NOXA1: variants seen among roughly 807,000 people sequenced by gnomAD.
NOXA1 encodes the protein NADPH oxidase activator 1, also known as NCF2-like protein.
Under a neutral mutation model 64.8 loss-of-function variants are expected in NOXA1, and 56 were observed. The observed-to-expected ratio is 0.86, with a 90% confidence interval of 0.70 to 1.08. NOXA1 has a LOEUF of 1.08. NOXA1 is among the 50% of genes least tolerant of loss of function. The probability of loss-of-function intolerance (pLI) is 0.00; values close to 1 mark genes in which losing one functional copy is unlikely to be tolerated. For missense variants in NOXA1, 668 were observed against 658.5 expected (o/e 1.01, Z -0.16); for synonymous variants, 295 against 294.8 (o/e 1.00, Z -0.01).
rs111581984 is a variant in NOXA1 at position 137,429,305 on chromosome 9, C to T, written c.534C>T (p.Val178=). The T allele has an allele frequency of 1.3e-6, 2 of 1,574,192 alleles. No individual in the cohort carries two copies. The highest frequency in any genetic ancestry group is 8.6e-7 in the Non-Finnish European group (1 of 1,160,780). The change falls in exon 5 of 14, where the codon GTC becomes GTT. Residue 178 remains valine (V), a synonymous_variant. Transcript: ENST00000683555. ...QRRGSLPPRQ[V]PRGEVFRPHR... is the part of the protein sequence containing the mutation. ...GGGGCTCACTGCCGCCACGGCAGGT[C>T]CCCAGGGGCGAGGTCTTCCGGCCCC...
chr9:137,433,364 A>C (rs1184883293), intron 10 of NOXA1, 89 bp from the exon 11 acceptor site: 1 of 1,496,200 alleles, frequency 6.7e-7, no homozygotes, highest in Admixed American at 2.2e-5. Context: ...TCACCTGCCC[A>C]GTCTCTGTCC....
At chr9:137,426,090 C>G (rs2131873331) in intron 1 of NOXA1, among the ~76,000 whole-genome samples, 158 bp from the exon 2 acceptor site, 1 of 152,278 alleles carries the variant, frequency 6.6e-6, no homozygotes, top group South Asian at 2.1e-4. Context: ...CCTGCCCAGG[C>G]AGGGGCTCCG....
chr9:137,432,290 A>AAAAAG (rs1839140411), intron 8 of NOXA1, among the ~76,000 whole-genome samples: 1 of 151,432 alleles, frequency 6.6e-6, no homozygotes, highest in East Asian at 1.9e-4. Context: ...AAAAAAAAAA[A>AAAAAG]AAAAAAAAGC....
At chr9:137,432,278 T>TTAAA (rs1410283327) in intron 8 of NOXA1, among the ~76,000 whole-genome samples, 2 of 110,302 alleles carry the variant, frequency 1.8e-5, no homozygotes, top group African/African-American at 7.9e-5. Flanking sequence ...AGACCCTGTC[T>TTAAA]CAAAAAAAAA....
chr9:137,427,247 G>A (rs897491822), intron 2 of NOXA1, among the ~76,000 whole-genome samples: 2 of 152,114 alleles, frequency 1.3e-5, no homozygotes, highest in Admixed American at 6.5e-5. Context: ...TGAGAACTAC[G>A]AGCAGATGAA....
chr9:137,434,159 G>A, intron 13 of NOXA1, 65 bp from the exon 14 acceptor site: 18 of 1,581,402 alleles, frequency 1.1e-5, no homozygotes, highest in Non-Finnish European at 1.5e-5. Context: ...TGTGCTGTGA[G>A]CAGACGTGGC....
intron 2 of NOXA1, 60 bp from the exon 3 acceptor site, chr9:137,427,973 C>A (rs2131878358): frequency 1.6e-6 from 2 of 1,216,306 alleles, no homozygotes; most frequent in Non-Finnish European, 2.3e-6. Context: ...GGTGTGAAAG[C>A]TGCCTAACCA....
At chr9:137,425,192 G>GT (rs1838802843) in intron 1 of NOXA1, among the ~76,000 whole-genome samples, 1 of 152,152 alleles carries the variant, frequency 6.6e-6, no homozygotes, top group Non-Finnish European at 1.5e-5. Flanking sequence ...GAAAGAGACC[G>GT]TAGCACCCTT....
chr9:137,430,853 C>T lies in NOXA1; in HGVS notation c.672+10C>T, dbSNP rs755232659. ...CCCTCAGCAGCCACAGGTGGGTTTG[C>T]GGCCCCTCAGACCCCTGCCTGGCCT... On this transcript the variant is annotated intron_variant, in intron 6 of 13. Coordinates refer to ENST00000683555, the MANE Select transcript of NOXA1 (RefSeq NM_001256067.2). 1.6e-5 allele frequency: 25 copies of T among 1,577,984 alleles called. No individual in the cohort carries two copies. Among genetic ancestry groups the T allele is most frequent in the Middle Eastern group, 1.7e-4 (1 of 5,968 alleles).
Position 137,433,986 on chromosome 9 carries a change from CT to C in NOXA1, c.1202del (p.Leu401ProfsTer?). On this transcript the variant is annotated frameshift_variant, in exon 13 of 14. Coordinates refer to ENST00000683555, the MANE Select transcript of NOXA1 (RefSeq NM_001256067.2). LOFTEE classifies it high-confidence loss of function. ...QCRGAGGRPV[L>X]YQVVAQHSYS... ...TCAGGGAGCCGGGGGTCGGCCGGTC[CT>C]CTACCAGGTGGTGGCCCAGCACAGC... 1 of 1,556,940 alleles carries C rather than the reference CT, an allele frequency of 6.4e-7. No homozygotes were observed. The highest frequency in any genetic ancestry group is 2.4e-5 in the East Asian group (1 of 42,312).
Position 137,431,053 on chromosome 9 carries a change from G to A in NOXA1, c.673-22G>A, listed in dbSNP as rs575058486. The A allele has an allele frequency of 1.3e-5, 21 of 1,613,294 alleles. No individual in the cohort carries two copies. In the Admixed American group the frequency reaches 1.8e-4, roughly 14 times the overall value. On this transcript the variant is annotated intron_variant, in intron 6 of 13. Coordinates refer to ENST00000683555, the MANE Select transcript of NOXA1 (RefSeq NM_001256067.2). The surrounding 1 kb of genome is among the most constrained non-coding windows in gnomAD (Gnocchi z 5.6). ...GGCCCCCGACCCTTAACCAGAGCGA[G>A]GTTGTTGCTTTGTGTCCACAGGGAC...
At chr9:137,427,768 C>T (rs945299814) in intron 2 of NOXA1, among the ~76,000 whole-genome samples, 4 of 152,178 alleles carry the variant, frequency 2.6e-5, no homozygotes, top group East Asian at 1.9e-4. Context: ...GGCTTGGGGG[C>T]GGGCAGGGGC....
chr9:137,430,771 C>T lies in NOXA1; in HGVS notation c.613-13C>T. 6.3e-7 allele frequency: 1 copy of T among 1,590,546 alleles called. No individual in the cohort carries two copies. ...GCTGATCCCTGACCCAGCGTCCCCA[C>T]TGTCCCCGCCAGGTGGTGGCCTCTG... On this transcript the variant is annotated splice_polypyrimidine_tract_variant and intron_variant, in intron 5 of 13. Coordinates refer to ENST00000683555, the MANE Select transcript of NOXA1 (RefSeq NM_001256067.2).
In NOXA1 at chr9:137,428,156, GGCTCACTGT is replaced by G. The variant is rs1431181570; in HGVS notation, c.369+19_369+27del. The G allele has an allele frequency of 1.3e-6, 2 of 1,536,422 alleles. No homozygotes were observed. The highest frequency in any genetic ancestry group is 1.4e-5 in the African/African-American group (1 of 73,154). ...AAGCCTGGGAGGTGAGGCCGGGCAGGGCTCACTGTGCTGCTGGCTGTGGGGTGTCCACGG... is the reference window on the plus strand; with the variant it reads ...AAGCCTGGGAGGTGAGGCCGGGCAGGGCTGCTGGCTGTGGGGTGTCCACGG... On this transcript the variant is annotated intron_variant, in intron 3 of 13. Coordinates refer to ENST00000683555, the MANE Select transcript of NOXA1 (RefSeq NM_001256067.2).
At chr9:137,428,267 C>A in intron 3 of NOXA1, 126 bp downstream of exon 3, 1 of 665,228 alleles carries the variant, frequency 1.5e-6, no homozygotes, top group Non-Finnish European at 2.6e-6. Flanking sequence ...ATGGAATACC[C>A]TGGCCACTCC....
intron 1 of NOXA1, 68 bp from the exon 2 acceptor site, chr9:137,426,180 C>T (rs1381411624): frequency 7.2e-6 from 10 of 1,392,150 alleles, no homozygotes; most frequent in East Asian, 2.3e-5. Context: ...TCACCCATCA[C>T]GCTGTATCTG....
intron 1 of NOXA1, among the ~76,000 whole-genome samples, chr9:137,425,255 GTCC>G (rs1838806537): frequency 6.6e-6 from 1 of 152,214 alleles, no homozygotes; most frequent in Admixed American, 6.5e-5. Flanking sequence ...AACCTTCTGT[GTCC>G]TCCTGAGTCT....
At chr9:137,432,486 A>G (rs1839151325) in intron 8 of NOXA1, among the ~76,000 whole-genome samples, 1 of 152,094 alleles carries the variant, frequency 6.6e-6, no homozygotes, top group Non-Finnish European at 1.5e-5. Flanking sequence ...AGGCAGAGCC[A>G]GGAGAATGGC....
chr9:137,433,608 G>C lies in NOXA1; in HGVS notation c.1064+1G>C. The C allele has an allele frequency of 6.5e-7, 1 of 1,544,948 alleles. No homozygotes were observed. Among genetic ancestry groups the C allele is most frequent in the East Asian group, 2.4e-5 (1 of 41,206 alleles). On this transcript the variant is annotated splice_donor_variant, in intron 11 of 13. Transcript: ENST00000683555. LOFTEE classifies it high-confidence loss of function. ...ACCAGGCCCAGCTTGGGCAACTCAG[G>C]TGGGCCAGAAAGCCCCCGGTGGCTG...
Sources: allele counts gnomAD v4.1 joint callset (sites outside exome capture counted in the v4.1 genomes callset), GRCh38; gene constraint gnomAD v4.1.1; non-coding constraint Gnocchi (gnomAD v3.1); transcripts MANE v1.5; gene names NCBI Gene and HGNC (gene_info 2026-07-23, HGNC 2026-07-21).